Variants in INPP5D observed in about 807,000 individuals in gnomAD.
The protein encoded by INPP5D is phosphatidylinositol 3,4,5-trisphosphate 5-phosphatase 1.
A neutral mutation model predicts 122.9 loss-of-function variants in INPP5D; 33 were observed. That is an observed-to-expected ratio of 0.27 (90% CI 0.20 to 0.36). The LOEUF is 0.36. Ranked by LOEUF, INPP5D falls within the 10% of genes least tolerant of loss-of-function variation. The pLI is 1.00. For synonymous variants in INPP5D, 584 were observed against 576.2 expected, an observed-to-expected ratio of 1.01 and a Z score of -0.19; for missense variants, 1,053 against 1,412.7, an observed-to-expected ratio of 0.75 and a Z score of 4.08.
chr2:233,093,925 C>A (rs777915441), intron 2 of INPP5D, among the ~76,000 whole-genome samples: 1 of 152,104 alleles, frequency 6.6e-6, no homozygotes, highest in Admixed American at 6.6e-5. Context: ...TCCTGAGCAC[C>A]CTTCTTCTGC....
chr2:233,193,243 G>C (rs1695099223), intron 22 of INPP5D, among the ~76,000 whole-genome samples: 1 of 152,224 alleles, frequency 6.6e-6, no homozygotes, highest in South Asian at 2.1e-4. Context: ...GTCTGTGAAA[G>C]AGCAACTTAA....
intron 4 of INPP5D, among the ~76,000 whole-genome samples, chr2:233,127,336 C>T (rs574452511): frequency 2.0e-5 from 3 of 152,196 alleles, no homozygotes; most frequent in South Asian, 2.1e-4. Flanking sequence ...CCAAGGAAAG[C>T]GGCGACACAG....
chr2:233,074,655 G>T (rs554782824), intron 1 of INPP5D, among the ~76,000 whole-genome samples: 1 of 151,480 alleles, frequency 6.6e-6, no homozygotes, highest in Non-Finnish European at 1.5e-5. Context: ...TCCAGCCCCC[G>T]TTCTCCTACC....
At chr2:233,137,616 C>T (rs533200787) in intron 5 of INPP5D, among the ~76,000 whole-genome samples, 71 of 149,990 alleles carry the variant, frequency 4.7e-4, no homozygotes, top group Non-Finnish European at 8.1e-4. Flanking sequence ...CCACTATGCC[C>T]GGCTAATTTT....
intron 9 of INPP5D, among the ~76,000 whole-genome samples, chr2:233,157,726 C>T (rs912863115): frequency 1.3e-5 from 2 of 149,062 alleles, no homozygotes; most frequent in African/African-American, 5.0e-5. Context: ...AAAACTGAAA[C>T]ATCGGAAAGT....
rs572645692 is a variant in INPP5D at position 233,201,727 on chromosome 2, G to A, written c.2976-2399G>A. Among the ~76,000 whole-genome samples, 3 of 152,336 alleles carry A rather than the reference G, an allele frequency of 2.0e-5. No homozygotes were observed. In the East Asian group the frequency reaches 5.8e-4, roughly 29 times the overall value. ...CAGTCCTGCGTAAGCAAGGACAACT[G>A]GTGACCCCAGATCGAAGCTGTGCAA... On this transcript the variant is annotated intron_variant, in intron 25 of 26. Transcript: ENST00000445964.
intron 2 of INPP5D, among the ~76,000 whole-genome samples, chr2:233,088,166 G>A (rs769926926): frequency 5.3e-5 from 8 of 151,894 alleles, no homozygotes; most frequent in South Asian, 2.1e-4. Flanking sequence ...TAGTAGAGAC[G>A]GAGTTTCATC....
At chr2:233,149,513 C>G (rs1693867666) in intron 9 of INPP5D, among the ~76,000 whole-genome samples, 1 of 152,294 alleles carries the variant, frequency 6.6e-6, no homozygotes, top group Middle Eastern at 3.4e-3. Context: ...AGACAGGATG[C>G]TCTGTCCCCC....
At chr2:233,118,555 C>T (rs1328674042) in intron 2 of INPP5D, among the ~76,000 whole-genome samples, 1 of 152,260 alleles carries the variant, frequency 6.6e-6, no homozygotes, top group East Asian at 1.9e-4. Context: ...CTTATGAAGA[C>T]ACCTTCCTGG....
At chr2:233,175,517 T>C (rs540608292) in intron 17 of INPP5D, among the ~76,000 whole-genome samples, 4 of 152,272 alleles carry the variant, frequency 2.6e-5, no homozygotes, top group African/African-American at 7.2e-5. Context: ...TTTAGGATGA[T>C]GGCGGTTTTC....
In INPP5D at chr2:233,204,516, C is replaced by G; in HGVS notation, c.3366C>G (p.Ile1122Met). ...SQAPVPAKRP[I>M]KPSRSEINQQ... ...CCCCGGTGCCGGCCAAGAGGCCCAT[C>G]AAGCCTTCCAGATCGGAAATCAACC... The change falls in exon 26 of 27, where the codon ATC becomes ATG. Residue 1122 changes from isoleucine to methionine, a missense_variant. This residue lies in a region of INPP5D where 417 missense variants were observed against 425.8 expected (regional missense o/e 0.98). Transcript: ENST00000445964. 1 of 1,581,140 alleles carries G rather than the reference C, an allele frequency of 6.3e-7. No homozygotes were observed. Among genetic ancestry groups the G allele is most frequent in the Non-Finnish European group, 8.6e-7 (1 of 1,165,108 alleles).
intron 6 of INPP5D, among the ~76,000 whole-genome samples, chr2:233,144,698 T>TG (rs1693711667): frequency 8.8e-6 from 1 of 113,918 alleles, no homozygotes; most frequent in Non-Finnish European, 2.1e-5. Context: ...GTGGAGGTGG[T>TG]AGTAGTGATG....
At position 233,189,897 on chromosome 2, in the gene INPP5D, C is replaced by T; in HGVS notation, c.2406C>T (p.Ile802=). The T allele has an allele frequency of 6.2e-7, 1 of 1,613,568 alleles. No homozygotes were observed. Among genetic ancestry groups the T allele is most frequent in the Non-Finnish European group, 8.5e-7 (1 of 1,179,652 alleles). The part of the protein sequence containing the change: ...SDPEYLLDQH[I]LISIKSSDSD... The stretch of plus-strand genomic sequence containing the variant: ...CTGAGTACCTGCTAGACCAGCACAT[C>T]CTCATCAGCATCAAGTCCTCTGACA... Residue 802 remains isoleucine (I), a synonymous_variant, in exon 22 of 27, where the codon ATC becomes ATT. Coordinates refer to ENST00000445964, the MANE Select transcript of INPP5D (RefSeq NM_001017915.3). This position sits in a 1 kb window ranked among gnomAD's most constrained non-coding sequence, Gnocchi z 5.6.
At chr2:233,205,041 C>T (rs1462627959) in intron 26 of INPP5D, 2 of 324,354 alleles carry the variant, frequency 6.2e-6, no homozygotes, top group Non-Finnish European at 1.1e-5. Flanking sequence ...AAGAAGATTC[C>T]ATAAAGAAAA....
At chr2:233,118,244 G>A (rs544798338) in intron 2 of INPP5D, among the ~76,000 whole-genome samples, 4 of 152,146 alleles carry the variant, frequency 2.6e-5, no homozygotes, top group African/African-American at 7.2e-5. Context: ...TCCCCCTACC[G>A]GCCACTCTGC....
chr2:233,113,825 G>A (rs976349759), intron 2 of INPP5D, among the ~76,000 whole-genome samples: 10 of 152,068 alleles, frequency 6.6e-5, no homozygotes, highest in African/African-American at 2.2e-4. Flanking sequence ...CACCGTAGCC[G>A]AGGTGATAGT....
intron 1 of INPP5D, among the ~76,000 whole-genome samples, chr2:233,065,839 G>C (rs1376489844): frequency 6.6e-6 from 1 of 151,626 alleles, no homozygotes; most frequent in Non-Finnish European, 1.5e-5. Context: ...TAGCGATGGG[G>C]TTTCACCATG....
chr2:233,206,839 G>A lies in INPP5D; in HGVS notation c.*131G>A, dbSNP rs1399671027. 4 of 692,648 alleles carry A rather than the reference G, an allele frequency of 5.8e-6. No homozygotes were observed. Among genetic ancestry groups the A allele is most frequent in the Non-Finnish European group, 1.1e-5 (4 of 370,840 alleles). 42.9% of individuals were successfully genotyped at this position (692,648 alleles called of 1,614,324 possible). On this transcript the variant is annotated 3_prime_UTR_variant, in exon 27 of 27. Transcript: ENST00000445964. This position sits in a 1 kb window ranked among gnomAD's most constrained non-coding sequence, Gnocchi z 4.0. Reference sequence around the variant, plus strand: ...GCAAGGCTTTGTGTTTTCAGGAAAGGGCCTAGCTTCTGTGTGGCCCACAGA... The same window carrying A: ...GCAAGGCTTTGTGTTTTCAGGAAAGAGCCTAGCTTCTGTGTGGCCCACAGA...
intron 3 of INPP5D, among the ~76,000 whole-genome samples, chr2:233,123,669 T>G (rs2106257623): frequency 6.6e-6 from 1 of 152,310 alleles, no homozygotes; most frequent in East Asian, 1.9e-4. Context: ...CACATATGTG[T>G]ATGTTCATTG....
Sources: allele counts gnomAD v4.1 joint callset (sites outside exome capture counted in the v4.1 genomes callset), GRCh38; gene constraint gnomAD v4.1.1; regional missense constraint gnomAD v4.1.1; non-coding constraint Gnocchi (gnomAD v3.1); transcripts MANE v1.5; gene names NCBI Gene and HGNC (gene_info 2026-07-23, HGNC 2026-07-21).